Variants in PURG observed in about 807,000 individuals in gnomAD.
PURG encodes the protein purine rich element binding protein G, also known as purine-rich element-binding protein gamma.
In PURG, 3 loss-of-function variants were observed where a neutral mutation model predicts 24.3. The ratio of observed to expected loss-of-function variants is 0.12; its 90% CI spans 0.06 to 0.32. The LOEUF (loss-of-function observed/expected upper bound fraction) is 0.32, where lower values mean the gene tolerates loss of function less well. Ranked by LOEUF, PURG falls within the 10% of genes least tolerant of loss-of-function variation. PURG has a pLI of 1.00. For missense variants in PURG, 371 were observed against 439.1 expected (o/e 0.84, Z 1.39); for synonymous variants, 180 against 173.1 (o/e 1.04, Z -0.31).
chr8:31,011,024 C>T (rs1810750336), intron 1 of PURG, among the ~76,000 whole-genome samples: 2 of 152,166 alleles, frequency 1.3e-5, no homozygotes, highest in South Asian at 4.1e-4. Flanking sequence ...TTTACTGACA[C>T]AGAGGTGTTA....
downstream of PURG, among the ~76,000 whole-genome samples, chr8:31,028,437 G>C (rs1479135382): frequency 6.6e-6 from 1 of 151,752 alleles, no homozygotes; most frequent in Non-Finnish European, 1.5e-5. Flanking sequence ...ATATACAAAA[G>C]GTAAAGTGCA....
intron 1 of PURG, among the ~76,000 whole-genome samples, chr8:31,021,029 GA>G (rs1585364221): frequency 6.6e-6 from 1 of 152,238 alleles, no homozygotes; most frequent in Non-Finnish European, 1.5e-5. Flanking sequence ...TAGTAATGGG[GA>G]AAAATATGTA....
rs112416061 is a variant in PURG at position 31,019,779 on chromosome 8, C to A, written c.864+12140G>T. On this transcript the variant is annotated intron_variant, in intron 1 of 1. Coordinates refer to the PURG transcript ENST00000339382. ...AACACCTGACCTTGTGATCCACCCG[C>A]CTCGGCCTCCCAAAGTGCTGGGAGT... is the stretch of plus-strand genomic sequence containing the variant. 8.8e-3 allele frequency among the ~76,000 whole-genome samples: 1,334 copies of A among 151,462 alleles called. 19 individuals are homozygous for A. The highest frequency in any genetic ancestry group is 0.031 in the African/African-American group (1,270 of 41,336).
At chr8:30,996,797 C>T in intron 1 of PURG, 1 of 944,198 alleles carries the variant, frequency 1.1e-6, no homozygotes. Flanking sequence ...CGTTGAAAAC[C>T]TTTCTGTTAG....
chr8:31,006,904 T>C (rs1810664020), intron 1 of PURG, among the ~76,000 whole-genome samples: 1 of 152,230 alleles, frequency 6.6e-6, no homozygotes, highest in Admixed American at 6.5e-5. Flanking sequence ...CATAGGCACA[T>C]ACTTAGTTTT....
At position 31,031,815 on chromosome 8, in the gene PURG, T is replaced by C; in HGVS notation, c.968A>G (p.Lys323Arg). 6.4e-7 allele frequency: 1 copy of C among 1,563,978 alleles called. No individual in the cohort carries two copies. The highest frequency in any genetic ancestry group is 8.7e-7 in the Non-Finnish European group (1 of 1,153,172). ...CTTTTCTTTATGGCTGTTGCAAATT[T>C]TCCTCATCTCTTCTTCATACTTGAT... is the stretch of plus-strand genomic sequence containing the variant. ...NFIKYEEEMRKICNSHKEKRM... is the reference protein window; with the variant it reads ...NFIKYEEEMRRICNSHKEKRM... The change falls in exon 2 of 2, where the codon AAA becomes AGA. Residue 323 changes from lysine (K) to arginine (R), a missense_variant. By Grantham distance (26) the Lys-to-Arg change is conservative. Around this residue, in one of 5 missense-constraint regions of PURG, gnomAD observed 103 missense variants for 127.7 expected, o/e 0.81. Coordinates refer to ENST00000523392, the MANE Select transcript of PURG (RefSeq NM_001323311.2).
intron 1 of PURG, among the ~76,000 whole-genome samples, chr8:31,025,426 C>T (rs1322357462): frequency 1.3e-5 from 2 of 151,862 alleles, no homozygotes; most frequent in Non-Finnish European, 2.9e-5. Context: ...GGACATTATG[C>T]TACCAAATAT....
In PURG at chr8:31,031,013, T is replaced by C. The variant is rs1585370710; in HGVS notation, c.*726A>G. The C allele has an allele frequency of 6.6e-6, 1 of 152,560 alleles. No homozygotes were observed. Among genetic ancestry groups the C allele is most frequent in the East Asian group, 1.9e-4 (1 of 5,188 alleles). The allele number at this position is 152,560 out of a possible 1,614,324, so 9.5% of individuals were successfully genotyped here. A position where few individuals can be genotyped will look rare whatever the true frequency, so the allele number is the denominator to read the frequency against. ...ACTTTGGAAAGTCAATAAAAATATA[T>C]GGAACATTAAGTAGAGGTAAAGAAG... On this transcript the variant is annotated 3_prime_UTR_variant, in exon 2 of 2. Transcript: ENST00000523392.
rs1195593818 is a variant in PURG at position 31,017,344 on chromosome 8, T to A, written c.864+14575A>T. ...AATTTTTACATATATATGTAAAAAATTGTATATATATGCATGTGCAATATA... is the reference window on the plus strand; with the variant it reads ...AATTTTTACATATATATGTAAAAAAATGTATATATATGCATGTGCAATATA... On this transcript the variant is annotated intron_variant, in intron 1 of 1. Transcript: ENST00000339382. 5.3e-5 allele frequency among the ~76,000 whole-genome samples: 8 copies of A among 152,096 alleles called. No individual in the cohort carries two copies. The East Asian group carries it at 1.4e-3, about 26-fold the overall frequency.
At chr8:31,024,571 T>C (rs887271390) in intron 1 of PURG, among the ~76,000 whole-genome samples, 1 of 152,198 alleles carries the variant, frequency 6.6e-6, no homozygotes, top group Non-Finnish European at 1.5e-5. Flanking sequence ...AATCAGCCAC[T>C]GTCTTTCTCT....
At chr8:31,022,262 C>T (rs1811012171) in intron 1 of PURG, among the ~76,000 whole-genome samples, 1 of 152,194 alleles carries the variant, frequency 6.6e-6, no homozygotes, top group Admixed American at 6.5e-5. Flanking sequence ...TGAGCCACCA[C>T]ACCCAGCCTA....
chr8:31,011,447 T>C (rs897189447), intron 1 of PURG, among the ~76,000 whole-genome samples: 14 of 152,344 alleles, frequency 9.2e-5, no homozygotes, highest in African/African-American at 3.4e-4. Flanking sequence ...GACAGAATTA[T>C]TGTTTAAAAT....
intron 1 of PURG, among the ~76,000 whole-genome samples, chr8:31,003,399 T>C (rs914184833): frequency 2.0e-5 from 3 of 152,060 alleles, no homozygotes; most frequent in Admixed American, 1.3e-4. Flanking sequence ...ATTTTTTTTT[T>C]CCCACTGAAG....
At chr8:31,018,442 C>T (rs952424977) in intron 1 of PURG, among the ~76,000 whole-genome samples, 2 of 152,208 alleles carry the variant, frequency 1.3e-5, no homozygotes, top group African/African-American at 4.8e-5. Flanking sequence ...GCAGAGAAGT[C>T]ATGCAATCCT....
At chr8:31,017,657 C>T (rs145774466) in intron 1 of PURG, among the ~76,000 whole-genome samples, 3,230 of 152,136 alleles carry the variant, frequency 0.021, 55 homozygotes, top group Non-Finnish European at 0.03. Context: ...AAAGTGGACA[C>T]CACCAGGCAG....
At chr8:31,027,779 T>C (rs1026624414), downstream of PURG, among the ~76,000 whole-genome samples, 2 of 151,742 alleles carry the variant, frequency 1.3e-5, no homozygotes, top group Non-Finnish European at 3.0e-5. Flanking sequence ...GCAACAGTTA[T>C]CTAGTTTTCA....
chr8:31,031,691 T>G lies in PURG; in HGVS notation c.*48A>C. 1 of 1,489,152 alleles carries G rather than the reference T, an allele frequency of 6.7e-7. No individual in the cohort carries two copies. The allele number at this position is 1,489,152 out of a possible 1,614,324, so 92.2% of individuals were successfully genotyped here. On this transcript the variant is annotated 3_prime_UTR_variant, in exon 2 of 2. Coordinates refer to ENST00000523392, the MANE Select transcript of PURG (RefSeq NM_001323311.2). ...TCAAAGGATAATGGATCAGTACTTT[T>G]AGCCAATTTGTGATTTTAAATTTTG...
chr8:31,019,572 A>T (rs898379609), intron 1 of PURG, among the ~76,000 whole-genome samples: 13 of 151,202 alleles, frequency 8.6e-5, no homozygotes, highest in African/African-American at 3.2e-4. Flanking sequence ...ACCTCAAATG[A>T]TCTGCCTGCC....
intron 1 of PURG, among the ~76,000 whole-genome samples, chr8:31,022,680 T>C (rs1811019484): frequency 6.6e-6 from 1 of 152,194 alleles, no homozygotes; most frequent in Non-Finnish European, 1.5e-5. Flanking sequence ...ATGAATGGAA[T>C]TTTAGAATTC....
Sources: gnomAD v4.1 joint callset for allele counts (sites outside exome capture counted in the v4.1 genomes callset) on GRCh38, gnomAD v4.1.1 for gene constraint, gnomAD v4.1.1 regional missense constraint, MANE v1.5 for transcripts, NCBI Gene and HGNC (gene_info 2026-07-23, HGNC 2026-07-21) for gene names.